LIN7A: variants seen among roughly 807,000 people sequenced by gnomAD.
LIN7A encodes the protein lin-7 cell polarity scaffold A.
A neutral mutation model predicts 29.8 loss-of-function variants in LIN7A; 25 were observed. The observed-to-expected ratio is 0.84, with a 90% CI of 0.61 to 1.17. LIN7A has a LOEUF of 1.17. Ranked by LOEUF, LIN7A falls within the 50% of genes most tolerant of loss-of-function variation. The pLI is 0.00. For synonymous variants in LIN7A, 118 were observed against 107.5 expected (o/e 1.10, Z -0.60); for missense variants, 239 against 287.0 (o/e 0.83, Z 1.21).
chr12:80,874,799 C>G (rs570938837), intron 2 of LIN7A, among the ~76,000 whole-genome samples: 1 of 152,072 alleles, frequency 6.6e-6, no homozygotes, highest in Non-Finnish European at 1.5e-5. Context: ...CTGGCTAACA[C>G]GGTGAAGCCC....
intron 1 of LIN7A, among the ~76,000 whole-genome samples, chr12:80,910,805 G>A (rs867465911): frequency 8.5e-5 from 13 of 152,114 alleles, no homozygotes; most frequent in South Asian, 6.2e-4. Flanking sequence ...TTAGCCACTC[G>A]TACATTCATA....
chr12:80,841,895 A>G, intron 4 of LIN7A: 1 of 1,036,378 alleles, frequency 9.6e-7, no homozygotes, highest in Non-Finnish European at 1.2e-6. Flanking sequence ...CCTCCTATTA[A>G]TGTTAAATTT....
intron 2 of LIN7A, among the ~76,000 whole-genome samples, chr12:80,885,353 C>G (rs181515966): frequency 1.2e-4 from 18 of 152,218 alleles, no homozygotes; most frequent in Non-Finnish European, 2.4e-4. Flanking sequence ...AATATCGGTA[C>G]CATAAAATAT....
At chr12:80,815,331 A>C (rs567842903) in intron 4 of LIN7A, among the ~76,000 whole-genome samples, 4 of 152,268 alleles carry the variant, frequency 2.6e-5, no homozygotes, top group African/African-American at 9.6e-5. Flanking sequence ...TTGTTGCATG[A>C]ATAAAAAGAA....
chr12:80,850,453 A>G (rs1384290490), intron 2 of LIN7A, among the ~76,000 whole-genome samples: 1 of 152,138 alleles, frequency 6.6e-6, no homozygotes, highest in Non-Finnish European at 1.5e-5. Context: ...TTTTGGGGAA[A>G]ATCTCCTAAG....
chr12:80,924,430 G>T (rs887749604), intron 1 of LIN7A, among the ~76,000 whole-genome samples: 1 of 152,196 alleles, frequency 6.6e-6, no homozygotes, highest in Non-Finnish European at 1.5e-5. Flanking sequence ...AATAATTGTT[G>T]AGCACTTACT....
intron 2 of LIN7A, among the ~76,000 whole-genome samples, chr12:80,888,512 A>T (rs1013469626): frequency 6.6e-6 from 1 of 152,164 alleles, no homozygotes; most frequent in Non-Finnish European, 1.5e-5. Flanking sequence ...GAGGTAATTC[A>T]TCACTGAGGA....
chr12:80,820,006 T>C (rs1203299433), intron 4 of LIN7A, among the ~76,000 whole-genome samples: 2 of 152,200 alleles, frequency 1.3e-5, no homozygotes, highest in Non-Finnish European at 2.9e-5. Flanking sequence ...GAAGAATGTT[T>C]AAAACTATCT....
chr12:80,841,401 AAGGAAGG>A (rs1405885283), intron 4 of LIN7A, among the ~76,000 whole-genome samples: 16 of 148,156 alleles, frequency 1.1e-4, no homozygotes, highest in African/African-American at 2.3e-4. Context: ...GGAAGGAAGG[AAGGAAGG>A]AGGGAAAGAA....
chr12:80,858,270 A>G (rs1190501499), intron 2 of LIN7A, among the ~76,000 whole-genome samples: 2 of 152,216 alleles, frequency 1.3e-5, no homozygotes, highest in Admixed American at 1.3e-4. Flanking sequence ...TTGGGAAACT[A>G]TAAAACTGAA....
At chr12:80,834,169 A>G (rs1872509614) in intron 4 of LIN7A, among the ~76,000 whole-genome samples, 1 of 152,200 alleles carries the variant, frequency 6.6e-6, no homozygotes, top group Admixed American at 6.5e-5. Flanking sequence ...CCACATATAT[A>G]GTGATTAGTT....
At chr12:80,799,475 G>T (rs1419440727) in intron 5 of LIN7A, among the ~76,000 whole-genome samples, 1 of 152,030 alleles carries the variant, frequency 6.6e-6, no homozygotes, top group African/African-American at 2.4e-5. Context: ...TGAAATTAAG[G>T]TTGCTAAGAA....
chr12:80,851,512 C>T (rs1402314337), intron 2 of LIN7A, among the ~76,000 whole-genome samples: 2 of 152,058 alleles, frequency 1.3e-5, no homozygotes, highest in Non-Finnish European at 1.5e-5. Flanking sequence ...CTTCCTTAGC[C>T]TCTCATTTCC....
At chr12:80,849,908 G>T (rs904423392) in intron 2 of LIN7A, among the ~76,000 whole-genome samples, 8 of 152,058 alleles carry the variant, frequency 5.3e-5, no homozygotes, top group African/African-American at 1.7e-4. Context: ...ACAGTTCCTG[G>T]TCATCTGAAT....
At chr12:80,894,122 T>A (rs1355067867) in intron 1 of LIN7A, among the ~76,000 whole-genome samples, 1 of 152,216 alleles carries the variant, frequency 6.6e-6, no homozygotes, top group Non-Finnish European at 1.5e-5. Flanking sequence ...GCAACATACT[T>A]TTATTCTTAA....
intron 2 of LIN7A, among the ~76,000 whole-genome samples, chr12:80,885,923 A>G (rs1380179098): frequency 1.3e-5 from 2 of 152,140 alleles, no homozygotes; most frequent in Admixed American, 6.5e-5. Flanking sequence ...ACACTTATGT[A>G]AGGCAATAAA....
chr12:80,901,917 G>A (rs767187176), intron 1 of LIN7A, among the ~76,000 whole-genome samples: 10 of 151,998 alleles, frequency 6.6e-5, no homozygotes, highest in Non-Finnish European at 1.5e-4. Context: ...GTAATTAGAG[G>A]GCAAAGTAAA....
intron 1 of LIN7A, among the ~76,000 whole-genome samples, chr12:80,904,217 G>A (rs569234101): frequency 1.4e-3 from 218 of 151,860 alleles, no homozygotes; most frequent in African/African-American, 5.0e-3. Flanking sequence ...TATATACAAC[G>A]TGATGTTATG....
At chr12:80,814,635 G>A (rs966296644) in intron 4 of LIN7A, among the ~76,000 whole-genome samples, 1 of 152,110 alleles carries the variant, frequency 6.6e-6, no homozygotes. Context: ...CGGTGGTGGT[G>A]AAGAGTTGAG....
Sources: gnomAD v4.1 joint callset for allele counts (sites outside exome capture counted in the v4.1 genomes callset) on GRCh38, gnomAD v4.1.1 for gene constraint, MANE v1.5 for transcripts, NCBI Gene and HGNC (gene_info 2026-07-23, HGNC 2026-07-21) for gene names.